Variants in TENM3 observed in about 807,000 individuals in gnomAD.
The protein encoded by TENM3 is teneurin-3.
TENM3 carries 63 observed loss-of-function variants against 255.1 expected under a neutral mutation model. The ratio of observed to expected loss-of-function variants is 0.25; its 90% confidence interval spans 0.20 to 0.30. TENM3 has a LOEUF of 0.30. Among genes scored for constraint, TENM3 ranks in the 10% least tolerant of loss-of-function variants. The pLI is 1.00. For synonymous variants in TENM3, 1,306 were observed against 1,322.3 expected, an observed-to-expected ratio of 0.99 and a Z score of 0.27; for missense variants, 2,929 against 3,461.1, an observed-to-expected ratio of 0.85 and a Z score of 3.86.
chr4:181,962,090 AAGAC>A, the TENM3 span, among the ~76,000 whole-genome samples: 1 of 152,224 alleles, frequency 6.6e-6, no homozygotes. Flanking sequence ...CACTTAGAAA[AAGAC>A]AGCTTAAAAG....
the TENM3 span, among the ~76,000 whole-genome samples, chr4:182,006,444 C>G: frequency 0.018 from 2,805 of 152,104 alleles, 34 homozygotes; most frequent in Middle Eastern, 0.061. Context: ...TTCTTGCAGG[C>G]TTAGTCTTGG....
At chr4:182,094,298 T>G in the TENM3 span, among the ~76,000 whole-genome samples, 2 of 151,618 alleles carry the variant, frequency 1.3e-5, no homozygotes, top group Non-Finnish European at 2.9e-5. Context: ...TAGACTGGAG[T>G]GCAGTGGTGC....
At chr4:182,555,944 A>G (rs1742542188) in intron 3 of TENM3, among the ~76,000 whole-genome samples, 1 of 152,078 alleles carries the variant, frequency 6.6e-6, no homozygotes. Context: ...AGTTTCTCTA[A>G]AAGAATAACT....
At chr4:182,663,124 CTG>C (rs79582818) in intron 6 of TENM3, among the ~76,000 whole-genome samples, 51,938 of 151,818 alleles carry the variant, frequency 0.34, 9,010 homozygotes, top group South Asian at 0.46. Context: ...CATTCTAAGA[CTG>C]TAATTCAGAA....
At chr4:182,351,531 G>C (rs1350023564) in intron 3 of TENM3, among the ~76,000 whole-genome samples, 1 of 152,154 alleles carries the variant, frequency 6.6e-6, no homozygotes, top group Non-Finnish European at 1.5e-5. Context: ...TCAGCTGCCT[G>C]CCGAGTTCTG....
the TENM3 span, among the ~76,000 whole-genome samples, chr4:181,901,158 C>G: frequency 6.6e-6 from 1 of 152,094 alleles, no homozygotes; most frequent in Admixed American, 6.5e-5. Context: ...GTGTGAGGTG[C>G]CCCAAGTATA....
the TENM3 span, among the ~76,000 whole-genome samples, chr4:181,667,174 C>T: frequency 1.1e-4 from 16 of 152,208 alleles, no homozygotes; most frequent in African/African-American, 3.9e-4. Context: ...CAAAATGCTC[C>T]TCATTGTCTA....
chr4:182,437,793 G>A (rs1270969127), intron 3 of TENM3, among the ~76,000 whole-genome samples: 1 of 117,834 alleles, frequency 8.5e-6, no homozygotes, highest in African/African-American at 3.0e-5. Flanking sequence ...GCGAGACTCC[G>A]TCTAAAAAAA....
the TENM3 span, chr4:181,906,022 G>A: frequency 2.2e-6 from 1 of 453,104 alleles, no homozygotes; most frequent in South Asian, 2.0e-5. Flanking sequence ...TCTCGTAACA[G>A]TGACAAGCAA....
chr4:182,108,323 G>A, the TENM3 span, among the ~76,000 whole-genome samples: 42,934 of 152,076 alleles, frequency 0.28, 6,201 homozygotes, highest in Middle Eastern at 0.39. Context: ...TCTAGGTGAT[G>A]AAGTTTTGAC....
chr4:182,521,706 G>A (rs1272852298), intron 3 of TENM3, among the ~76,000 whole-genome samples: 90 of 152,238 alleles, frequency 5.9e-4, no homozygotes, highest in Non-Finnish European at 2.2e-4. Flanking sequence ...TTTTTAATGC[G>A]TTTCAAGAGT....
the TENM3 span, among the ~76,000 whole-genome samples, chr4:181,625,813 CAAAA>C: frequency 9.0e-5 from 13 of 144,656 alleles, no homozygotes; most frequent in Admixed American, 2.7e-4. Context: ...GACTCTGTCT[CAAAA>C]AAAAATAATA....
chr4:182,708,599 A>T (rs1305375991), intron 12 of TENM3, among the ~76,000 whole-genome samples: 1 of 152,120 alleles, frequency 6.6e-6, no homozygotes, highest in Non-Finnish European at 1.5e-5. Context: ...GGAGATCGAG[A>T]CCATCCTGGC....
chr4:182,524,557 T>C (rs1161909472), intron 3 of TENM3, among the ~76,000 whole-genome samples: 1 of 151,640 alleles, frequency 6.6e-6, no homozygotes, highest in Non-Finnish European at 1.5e-5. Flanking sequence ...GGCAGAGTTT[T>C]GCTATGTTGC....
At chr4:182,061,446 T>C in the TENM3 span, among the ~76,000 whole-genome samples, 3 of 152,102 alleles carry the variant, frequency 2.0e-5, no homozygotes, top group Non-Finnish European at 4.4e-5. Flanking sequence ...CTTTAGACCG[T>C]GTGTGAATTT....
chr4:182,753,386 C>A, intron 20 of TENM3, 64 bp from the exon 21 acceptor site: 1 of 1,401,714 alleles, frequency 7.1e-7, no homozygotes, highest in Non-Finnish European at 1.0e-6. Flanking sequence ...AATAATGGGC[C>A]TAATAGTTAA....
At chr4:182,080,170 A>G in the TENM3 span, among the ~76,000 whole-genome samples, 1 of 152,232 alleles carries the variant, frequency 6.6e-6, no homozygotes, top group Non-Finnish European at 1.5e-5. Flanking sequence ...CCCACGTTTC[A>G]AAACTCTTTG....
intron 3 of TENM3, among the ~76,000 whole-genome samples, chr4:182,377,962 A>G (rs1580346558): frequency 6.6e-6 from 1 of 152,160 alleles, no homozygotes; most frequent in African/African-American, 2.4e-5. Flanking sequence ...TTCGGATGGC[A>G]TGCTCACTTC....
intron 6 of TENM3, among the ~76,000 whole-genome samples, 174 bp from the exon 7 acceptor site, chr4:182,672,831 C>G (rs746081400): frequency 9.9e-5 from 15 of 152,110 alleles, no homozygotes; most frequent in Non-Finnish European, 1.9e-4. Context: ...TAGTAAAACA[C>G]CAGTATCTAA....
Sources: gnomAD v4.1 joint callset for allele counts (sites outside exome capture counted in the v4.1 genomes callset) on GRCh38, gnomAD v4.1.1 for gene constraint, MANE v1.5 for transcripts, NCBI Gene and HGNC (gene_info 2026-07-23, HGNC 2026-07-21) for gene names.